USP15: variants seen among roughly 807,000 people sequenced by gnomAD.
The protein encoded by USP15 is ubiquitin carboxyl-terminal hydrolase 15.
A neutral mutation model predicts 127.1 loss-of-function variants in USP15; 18 were observed. That is an observed-to-expected ratio of 0.14 (90% CI 0.10 to 0.21). USP15 has a LOEUF of 0.21. Among genes scored for constraint, USP15 ranks in the 10% least tolerant of loss-of-function variants. The probability of loss-of-function intolerance (pLI) is 1.00; values close to 1 mark genes in which losing one functional copy is unlikely to be tolerated. For missense variants in USP15, 805 were observed against 1,159.9 expected, an observed-to-expected ratio of 0.69 and a Z score of 4.44; for synonymous variants, 364 against 393.7, an observed-to-expected ratio of 0.92 and a Z score of 0.89.
intron 1 of USP15, among the ~76,000 whole-genome samples, chr12:62,275,382 A>T (rs1035722722): frequency 4.0e-5 from 6 of 151,424 alleles, no homozygotes; most frequent in Admixed American, 2.0e-4. Context: ...AAAAATTGGG[A>T]GGAGTATCAC....
At position 62,321,449 on chromosome 12, in the gene USP15, C is replaced by A; in HGVS notation, c.476-15C>A. 6.7e-7 allele frequency: 1 copy of A among 1,484,354 alleles called. No individual in the cohort carries two copies. The allele number at this position is 1,484,354 out of a possible 1,614,324, so 91.9% of individuals were successfully genotyped here. A position where few individuals can be genotyped will look rare whatever the true frequency, so the allele number is the denominator to read the frequency against. On this transcript the variant is annotated splice_polypyrimidine_tract_variant and intron_variant, in intron 4 of 21. Coordinates refer to ENST00000280377, the MANE Select transcript of USP15 (RefSeq NM_001252078.2). ...ATACATACTATATTTATATATCTTT[C>A]CTCCTTAAATCTAGATACAATTGAA...
At position 62,391,428 on chromosome 12, in the gene USP15, T is replaced by C. The variant is rs998819954; in HGVS notation, c.2232T>C (p.Asp744=). 11 of 1,596,858 alleles carry C rather than the reference T, an allele frequency of 6.9e-6. No homozygotes were observed. The highest frequency in any genetic ancestry group is 1.4e-5 in the African/African-American group (1 of 73,618). ...TTGATGATAGGCAGCTTAGGCTAGA[T>C]GGTAAGTATTTGTGAAAAATGGCTT... The part of the protein sequence containing the change: ...IRFDDRQLRL[D]ERSFLALDWD... Residue 744 remains aspartate (D), a splice_region_variant and synonymous_variant, in exon 16 of 22, where the codon GAT becomes GAC. Coordinates refer to ENST00000280377, the MANE Select transcript of USP15 (RefSeq NM_001252078.2).
intron 6 of USP15, among the ~76,000 whole-genome samples, chr12:62,347,065 A>G (rs900496938): frequency 6.6e-5 from 10 of 151,890 alleles, no homozygotes; most frequent in African/African-American, 1.7e-4. Context: ...ATTTTTTCCT[A>G]TTGTGAGCTG....
chr12:62,336,642 CT>C, intron 6 of USP15: 1 of 354,624 alleles, frequency 2.8e-6, no homozygotes, highest in Non-Finnish European at 3.9e-6. Context: ...ATGAATAACA[CT>C]TTTATGAAAA....
At chr12:62,318,612 T>C (rs1315697542) in intron 4 of USP15, among the ~76,000 whole-genome samples, 3 of 152,156 alleles carry the variant, frequency 2.0e-5, no homozygotes, top group African/African-American at 7.2e-5. Flanking sequence ...TTAAATATTT[T>C]CCATGTGTTG....
intron 4 of USP15, among the ~76,000 whole-genome samples, chr12:62,318,021 A>G (rs748069088): frequency 5.3e-5 from 8 of 152,206 alleles, no homozygotes; most frequent in Non-Finnish European, 7.3e-5. Context: ...TTTGTGAGTA[A>G]CCTGTATTAT....
chr12:62,396,720 TATTC>T (rs1429203337), intron 20 of USP15, among the ~76,000 whole-genome samples: 1 of 152,188 alleles, frequency 6.6e-6, no homozygotes, highest in Non-Finnish European at 1.5e-5. Context: ...CATTAATATT[TATTC>T]ATTTATATAA....
chr12:62,273,028 A>G (rs777647150), intron 1 of USP15, among the ~76,000 whole-genome samples: 10 of 152,044 alleles, frequency 6.6e-5, no homozygotes, highest in Admixed American at 2.0e-4. Flanking sequence ...TAAAGGCACT[A>G]TTTAGTTCGG....
At chr12:62,267,152 T>C (rs949980661) in intron 1 of USP15, 2 of 152,178 alleles carry the variant, frequency 1.3e-5, no homozygotes, top group Non-Finnish European at 2.9e-5. Flanking sequence ...CTAGCTTGTT[T>C]CTTTTAATTT....
chr12:62,382,136 C>T (rs576194925), intron 9 of USP15, among the ~76,000 whole-genome samples: 86 of 152,076 alleles, frequency 5.7e-4, no homozygotes, highest in African/African-American at 2.0e-3. Context: ...AAATAGTCTG[C>T]AAACCAAGCA....
chr12:62,292,703 G>T lies in USP15; in HGVS notation c.90-1476G>T, dbSNP rs1279330398. ...GTCTCTGTGTCTCTGCCAGGAGCAGGCATTCACTTGCAGCCCCAAGCAGAG... is the reference window on the plus strand; with the variant it reads ...GTCTCTGTGTCTCTGCCAGGAGCAGTCATTCACTTGCAGCCCCAAGCAGAG... On this transcript the variant is annotated intron_variant, in intron 1 of 21. Transcript: ENST00000280377. Among the ~76,000 whole-genome samples, 5 of 152,164 alleles carry T rather than the reference G, an allele frequency of 3.3e-5. 1 individual carries two copies. The highest frequency in any genetic ancestry group is 2.6e-4 in the Admixed American group (4 of 15,284).
intron 8 of USP15, among the ~76,000 whole-genome samples, chr12:62,371,600 A>G (rs182966659): frequency 2.2e-4 from 33 of 152,172 alleles, no homozygotes; most frequent in Admixed American, 9.2e-4. Flanking sequence ...TTTTAATTTT[A>G]TTTTTCTAGC....
At chr12:62,290,567 A>G (rs769913615) in intron 1 of USP15, among the ~76,000 whole-genome samples, 4 of 152,196 alleles carry the variant, frequency 2.6e-5, no homozygotes, top group Non-Finnish European at 4.4e-5. Flanking sequence ...TCGTCCTGCC[A>G]ATCTTTATCT....
chr12:62,389,824 A>C lies in USP15; in HGVS notation c.1680A>C (p.Glu560Asp). ...TTGAAATTAACATCAATAGGACAGAAGATACAGAGCACGTGATTATTCCTG... is the reference window on the plus strand; with the variant it reads ...TTGAAATTAACATCAATAGGACAGACGATACAGAGCACGTGATTATTCCTG... ...YVFEININRT[E>D]DTEHVIIPVC... is the part of the protein sequence containing the mutation. Residue 560 changes from glutamate to aspartate, a missense_variant, in exon 14 of 22, where the codon GAA (glutamate) becomes GAC (aspartate). Transcript: ENST00000280377. 1 of 1,613,458 alleles carries C rather than the reference A, an allele frequency of 6.2e-7. No homozygotes were observed. Among genetic ancestry groups the C allele is most frequent in the South Asian group, 1.1e-5 (1 of 90,998 alleles).
intron 6 of USP15, among the ~76,000 whole-genome samples, chr12:62,326,933 C>T (rs56309606): frequency 0.1 from 15,681 of 152,046 alleles, 850 homozygotes; most frequent in Middle Eastern, 0.17. Flanking sequence ...AGTTTAAGAC[C>T]AGCCTGGCCA....
At chr12:62,338,148 T>A (rs2065532835) in intron 6 of USP15, among the ~76,000 whole-genome samples, 2 of 152,322 alleles carry the variant, frequency 1.3e-5, no homozygotes, top group South Asian at 4.1e-4. Context: ...ATCTTTTGTT[T>A]CCTGACTTTT....
At chr12:62,338,177 C>T (rs1266127917) in intron 6 of USP15, among the ~76,000 whole-genome samples, 1 of 152,182 alleles carries the variant, frequency 6.6e-6, no homozygotes, top group Non-Finnish European at 1.5e-5. Context: ...ACTATTCTGA[C>T]TGGTGTGAGA....
chr12:62,374,672 CTT>C, intron 8 of USP15: 1 of 812,756 alleles, frequency 1.2e-6, no homozygotes, highest in East Asian at 1.3e-4. Context: ...TTATAAAAAA[CTT>C]ATGTAGAAAT....
chr12:62,266,496 A>G (rs770723186), intron 1 of USP15, among the ~76,000 whole-genome samples: 4 of 152,176 alleles, frequency 2.6e-5, no homozygotes, highest in African/African-American at 4.8e-5. Flanking sequence ...GGAAGATACA[A>G]TGATAATAAA....
Sources: allele counts gnomAD v4.1 joint callset (sites outside exome capture counted in the v4.1 genomes callset), GRCh38; gene constraint gnomAD v4.1.1; transcripts MANE v1.5; gene names NCBI Gene and HGNC (gene_info 2026-07-23, HGNC 2026-07-21).